CMC2: variants seen among roughly 807,000 people sequenced by gnomAD.
CMC2 encodes the protein COX assembly mitochondrial protein 2 homolog.
In CMC2, 5 loss-of-function variants were observed where a neutral mutation model predicts 7.5. The observed-to-expected ratio is 0.66, with a 90% CI of 0.35 to 1.40. CMC2 has a LOEUF of 1.40. Ranked by LOEUF, CMC2 falls within the 40% of genes most tolerant of loss-of-function variation. The pLI is 0.04. For synonymous variants in CMC2, 37 were observed against 31.4 expected (o/e 1.18, Z -0.60); for missense variants, 115 against 92.3 (o/e 1.25, Z -1.01).
chr16:80,997,478 C>G, intron 1 of CMC2, 49 bp from the exon 2 acceptor site: 1 of 944,838 alleles, frequency 1.1e-6, no homozygotes, highest in Middle Eastern at 2.1e-4. Context: ...TTTGTTACGC[C>G]ACCTAAAAGT....
rs1006182741 is a variant in CMC2 at position 80,966,550 on chromosome 16, A to G, written c.*9543T>C. 8.3e-5 allele frequency: 12 copies of G among 144,882 alleles called. No homozygotes were observed. Among genetic ancestry groups the G allele is most frequent in the African/African-American group, 3.1e-4 (11 of 35,276 alleles). The allele number at this position is 144,882 out of a possible 1,614,324, so 9.0% of individuals were successfully genotyped here. On this transcript the variant is annotated 3_prime_UTR_variant, in exon 4 of 4. Coordinates refer to ENST00000219400, the MANE Select transcript of CMC2 (RefSeq NM_020188.5). ...AATCTTGGTTTCTACTGACACTAAC[A>G]TCATAACTTTAAAACGTGATATTTT... is the stretch of plus-strand genomic sequence containing the variant.
intron 2 of CMC2, chr16:80,988,543 T>C: frequency 1.4e-6 from 1 of 701,970 alleles, no homozygotes; most frequent in Non-Finnish European, 2.6e-6. Context: ...CTCTTACATA[T>C]ACACCCGAGC....
intron 2 of CMC2, chr16:80,982,811 A>G (rs1967229308): frequency 6.5e-6 from 1 of 153,860 alleles, no homozygotes; most frequent in African/African-American, 2.4e-5. Context: ...ACCCTGTGAT[A>G]CCAATAACAT....
At chr16:80,991,929 T>G in intron 2 of CMC2, 1 of 455,234 alleles carries the variant, frequency 2.2e-6, no homozygotes, top group South Asian at 1.6e-5. Flanking sequence ...TGACAAGAAC[T>G]AAGTGTAATG....
chr16:80,977,491 G>C lies in CMC2; in HGVS notation c.154-1312C>G, dbSNP rs1912546038. ...AGAAAAAACTGAAAACATGTGAACAGTTAAACATCAGAATCTTTTAGGAGC... is the reference window on the plus strand; with the variant it reads ...AGAAAAAACTGAAAACATGTGAACACTTAAACATCAGAATCTTTTAGGAGC... On this transcript the variant is annotated intron_variant, in intron 3 of 3. Coordinates refer to ENST00000219400, the MANE Select transcript of CMC2 (RefSeq NM_020188.5). Among the ~76,000 whole-genome samples, 3 of 152,166 alleles carry C rather than the reference G, an allele frequency of 2.0e-5. No homozygotes were observed. The South Asian group carries it at 6.2e-4, about 32-fold the overall frequency.
chr16:80,974,726 AC>A lies in CMC2; in HGVS notation c.*1366del, dbSNP rs1912155120. On this transcript the variant is annotated 3_prime_UTR_variant, in exon 4 of 4. Transcript: ENST00000219400. The stretch of plus-strand genomic sequence containing the variant: ...CTAAAAGTCAACTTTTCAGTTAACT[AC>A]AAGATTCTAAAGGCAAAATGTCTCA... 6.6e-6 allele frequency: 1 copy of A among 152,254 alleles called. No individual in the cohort carries two copies. Among genetic ancestry groups the A allele is most frequent in the African/African-American group, 2.4e-5 (1 of 41,468 alleles). The allele number at this position is 152,254 out of a possible 1,614,324, so 9.4% of individuals were successfully genotyped here. A position where few individuals can be genotyped will look rare whatever the true frequency, so the allele number is the denominator to read the frequency against.
intron 2 of CMC2, among the ~76,000 whole-genome samples, chr16:80,993,218 T>G (rs1968146338): frequency 6.6e-6 from 1 of 152,192 alleles, no homozygotes; most frequent in African/African-American, 2.4e-5. Context: ...AACAACTATT[T>G]TCAGATATTG....
In CMC2 at chr16:80,975,244, A is replaced by T. The variant is rs1435095277; in HGVS notation, c.*849T>A. The T allele has an allele frequency of 6.6e-6, 1 of 152,338 alleles. No homozygotes were observed. The highest frequency in any genetic ancestry group is 1.5e-5 in the Non-Finnish European group (1 of 68,104). 9.4% of individuals were successfully genotyped at this position (152,338 alleles called of 1,614,324 possible). A position where few individuals can be genotyped will look rare whatever the true frequency, so the allele number is the denominator to read the frequency against. On this transcript the variant is annotated 3_prime_UTR_variant, in exon 4 of 4. Transcript: ENST00000219400. Reference sequence around the variant, plus strand: ...ACTGGCACCTCGAGTGGACACATTCAACCAAATGGGAAAGCAAAGTCTGCT... The same window carrying T: ...ACTGGCACCTCGAGTGGACACATTCTACCAAATGGGAAAGCAAAGTCTGCT...
intron 2 of CMC2, 112 bp downstream of exon 2, chr16:80,997,202 A>T: frequency 1.4e-6 from 1 of 706,638 alleles, no homozygotes; most frequent in South Asian, 1.6e-5. Context: ...CTAAACTCAG[A>T]CTCCTTACTA....
chr16:80,987,596 T>C (rs754688487), intron 2 of CMC2, among the ~76,000 whole-genome samples: 2 of 152,090 alleles, frequency 1.3e-5, no homozygotes, highest in Non-Finnish European at 2.9e-5. Context: ...GGCCAGTAGA[T>C]CAGAAGCCAC....
chr16:80,987,081 C>G (rs1044961902), intron 2 of CMC2, among the ~76,000 whole-genome samples: 7 of 152,112 alleles, frequency 4.6e-5, no homozygotes, highest in Admixed American at 4.6e-4. Flanking sequence ...AAACATCCAC[C>G]AAATTTGCCA....
Position 80,975,887 on chromosome 16 carries a change from T to G in CMC2, c.*206A>C. ...AGGGAATAAACATGGTGAAGTCAGG[T>G]TTGCTGGTAAAGGGGAGACAGTACT... On this transcript the variant is annotated 3_prime_UTR_variant, in exon 4 of 4. Coordinates refer to ENST00000219400, the MANE Select transcript of CMC2 (RefSeq NM_020188.5). 1 of 464,008 alleles carries G rather than the reference T, an allele frequency of 2.2e-6. No homozygotes were observed. The highest frequency in any genetic ancestry group is 3.8e-5 in the Admixed American group (1 of 26,024). The allele number at this position is 464,008 out of a possible 1,614,324, so 28.7% of individuals were successfully genotyped here. A position where few individuals can be genotyped will look rare whatever the true frequency, so the allele number is the denominator to read the frequency against.
At chr16:81,004,315 GA>G (rs1309370133) in intron 1 of CMC2, among the ~76,000 whole-genome samples, 1 of 152,188 alleles carries the variant, frequency 6.6e-6, no homozygotes, top group Non-Finnish European at 1.5e-5. Flanking sequence ...GTGAAATAGA[GA>G]GGGATAAATT....
chr16:80,966,569 A>T lies in CMC2; in HGVS notation c.*9524T>A, dbSNP rs561173389. ...ACTAACATCATAACTTTAAAACGTGATATTTTATAATACCAATTTCAAAAC... is the reference window on the plus strand; with the variant it reads ...ACTAACATCATAACTTTAAAACGTGTTATTTTATAATACCAATTTCAAAAC... On this transcript the variant is annotated 3_prime_UTR_variant, in exon 4 of 4. Coordinates refer to ENST00000219400, the MANE Select transcript of CMC2 (RefSeq NM_020188.5). 6.8e-6 allele frequency: 1 copy of T among 146,296 alleles called. No homozygotes were observed. The highest frequency in any genetic ancestry group is 2.6e-5 in the African/African-American group (1 of 37,944). 9.1% of individuals were successfully genotyped at this position (146,296 alleles called of 1,614,324 possible).
intron 2 of CMC2, among the ~76,000 whole-genome samples, chr16:80,991,354 G>C (rs1018131177): frequency 6.6e-6 from 1 of 152,208 alleles, no homozygotes; most frequent in Admixed American, 6.5e-5. Flanking sequence ...GAGAAACCTA[G>C]CCACGTGCAA....
chr16:80,980,031 G>T (rs145195378), intron 3 of CMC2, among the ~76,000 whole-genome samples: 1 of 152,114 alleles, frequency 6.6e-6, no homozygotes, highest in Admixed American at 6.5e-5. Flanking sequence ...CGATCCTCCC[G>T]CCTCAGCCTC....
intron 2 of CMC2, among the ~76,000 whole-genome samples, chr16:80,996,696 C>T (rs1968444465): frequency 6.6e-6 from 1 of 152,150 alleles, no homozygotes; most frequent in African/African-American, 2.4e-5. Flanking sequence ...AAAACAAATG[C>T]TTCTTGTAAC....
At chr16:80,977,046 T>G (rs148732228) in intron 3 of CMC2, among the ~76,000 whole-genome samples, 19 of 152,322 alleles carry the variant, frequency 1.2e-4, no homozygotes, top group African/African-American at 4.6e-4. Context: ...CCAGCTCACA[T>G]TGTATTTCTT....
chr16:80,971,212 G>T lies in CMC2; in HGVS notation c.*4881C>A, dbSNP rs1031261787. On this transcript the variant is annotated 3_prime_UTR_variant, in exon 4 of 4. Coordinates refer to ENST00000219400, the MANE Select transcript of CMC2 (RefSeq NM_020188.5). ...TAATTTAGCAACTTCTAGTAAGTTT[G>T]AAAATGCATACCTTACAGCCCAATA... is the stretch of plus-strand genomic sequence containing the variant. 6.6e-6 allele frequency: 1 copy of T among 152,110 alleles called. No homozygotes were observed. The highest frequency in any genetic ancestry group is 2.4e-5 in the African/African-American group (1 of 41,424). The allele number at this position is 152,110 out of a possible 1,614,324, so 9.4% of individuals were successfully genotyped here.
Sources: allele counts gnomAD v4.1 joint callset (sites outside exome capture counted in the v4.1 genomes callset), GRCh38; gene constraint gnomAD v4.1.1; transcripts MANE v1.5; gene names NCBI Gene and HGNC (gene_info 2026-07-23, HGNC 2026-07-21).